Variants in COL24A1 observed in about 807,000 individuals in gnomAD.
COL24A1 encodes the protein collagen alpha-1(XXIV) chain.
Under a neutral mutation model 253.9 loss-of-function variants are expected in COL24A1, and 224 were observed. That is an observed-to-expected ratio of 0.88 (90% CI 0.79 to 0.99). COL24A1 has a LOEUF of 0.99. Ranked by LOEUF, COL24A1 falls within the 50% of genes least tolerant of loss-of-function variation. The pLI is 0.00. For synonymous variants in COL24A1, 685 were observed against 673.7 expected, an observed-to-expected ratio of 1.02 and a Z score of -0.26; for missense variants, 2,131 against 2,068.5, an observed-to-expected ratio of 1.03 and a Z score of -0.59.
intron 24 of COL24A1, among the ~76,000 whole-genome samples, chr1:85,959,762 T>C (rs748504293): frequency 6.6e-6 from 1 of 152,152 alleles, no homozygotes; most frequent in Non-Finnish European, 1.5e-5. Flanking sequence ...TCTTATACTA[T>C]GTGGAATTAG....
At chr1:85,849,326 C>A (rs761326930) in intron 38 of COL24A1, 27 bp downstream of exon 38, 4 of 1,602,326 alleles carry the variant, frequency 2.5e-6, no homozygotes, top group Non-Finnish European at 3.4e-6. Context: ...AGAAAGAAAA[C>A]CTGCATAAGA....
At chr1:85,892,884 A>T (rs1683270232) in intron 31 of COL24A1, among the ~76,000 whole-genome samples, 1 of 152,094 alleles carries the variant, frequency 6.6e-6, no homozygotes, top group Non-Finnish European at 1.5e-5. Context: ...AATCCAACAG[A>T]CAGATTAAAA....
intron 35 of COL24A1, among the ~76,000 whole-genome samples, chr1:85,869,809 C>T (rs1042659965): frequency 3.3e-5 from 5 of 152,138 alleles, no homozygotes; most frequent in Non-Finnish European, 1.5e-5. Flanking sequence ...AAACAACCAG[C>T]TAACATCATA....
intron 47 of COL24A1, among the ~76,000 whole-genome samples, chr1:85,800,968 A>C (rs1454728903): frequency 2.0e-5 from 3 of 152,228 alleles, no homozygotes; most frequent in South Asian, 4.1e-4. Context: ...CACAAAATGC[A>C]TCTACAACAT....
chr1:85,858,021 A>T (rs1027521551), intron 37 of COL24A1, among the ~76,000 whole-genome samples: 2 of 152,214 alleles, frequency 1.3e-5, no homozygotes, highest in Non-Finnish European at 2.9e-5. Context: ...CTCAACATCT[A>T]AACCAGGAGC....
At chr1:86,112,081 C>T (rs1375597360) in intron 5 of COL24A1, among the ~76,000 whole-genome samples, 1 of 152,168 alleles carries the variant, frequency 6.6e-6, no homozygotes, top group African/African-American at 2.4e-5. Flanking sequence ...ACTATGTACG[C>T]TCATATATAT....
intron 52 of COL24A1, among the ~76,000 whole-genome samples, chr1:85,778,757 G>A (rs1318002805): frequency 8.6e-5 from 13 of 151,508 alleles, no homozygotes; most frequent in Non-Finnish European, 1.9e-4. Flanking sequence ...GGCATGTACC[G>A]CCACACCCGG....
At chr1:85,765,341 A>G (rs1041355100) in intron 53 of COL24A1, among the ~76,000 whole-genome samples, 2 of 81,376 alleles carry the variant, frequency 2.5e-5, no homozygotes, top group Non-Finnish European at 5.8e-5. Flanking sequence ...TCATGCTGAG[A>G]TTGTTCTCTG....
intron 37 of COL24A1, among the ~76,000 whole-genome samples, chr1:85,852,565 G>T (rs1677889394): frequency 6.6e-6 from 1 of 152,176 alleles, no homozygotes; most frequent in Non-Finnish European, 1.5e-5. Context: ...TAATATAGGA[G>T]AAGATTGATA....
chr1:85,899,628 T>C (rs138285190), intron 28 of COL24A1, among the ~76,000 whole-genome samples: 23 of 152,296 alleles, frequency 1.5e-4, no homozygotes, highest in African/African-American at 4.8e-4. Flanking sequence ...CCTGGACACA[T>C]AGTTGTATAT....
intron 21 of COL24A1, among the ~76,000 whole-genome samples, chr1:85,970,711 C>A (rs1431982281): frequency 1.3e-5 from 2 of 152,002 alleles, no homozygotes; most frequent in Non-Finnish European, 2.9e-5. Flanking sequence ...ATATTTTGCT[C>A]AATTCACAAT....
chr1:85,814,074 T>C (rs1416277773), intron 47 of COL24A1, among the ~76,000 whole-genome samples: 1 of 152,194 alleles, frequency 6.6e-6, no homozygotes, highest in East Asian at 1.9e-4. Flanking sequence ...TTGAGCTTTT[T>C]AGCTGATTCT....
At chr1:86,022,411 C>A in intron 17 of COL24A1, 118 bp from the exon 18 acceptor site, 1 of 1,364,084 alleles carries the variant, frequency 7.3e-7, no homozygotes, top group South Asian at 1.2e-5. Context: ...ACAAAAGTTT[C>A]AAACAAGAAC....
At chr1:85,820,826 T>C (rs574327761) in intron 45 of COL24A1, among the ~76,000 whole-genome samples, 17 of 152,332 alleles carry the variant, frequency 1.1e-4, no homozygotes, top group African/African-American at 3.1e-4. Context: ...CTTCTGTTCA[T>C]TGGGACTGTG....
In COL24A1 at chr1:86,156,349, C is replaced by A. The variant is rs748487373; in HGVS notation, c.48G>T (p.Thr16=). 1.2e-6 allele frequency: 2 copies of A among 1,612,398 alleles called. No individual in the cohort carries two copies. Among genetic ancestry groups the A allele is most frequent in the Non-Finnish European group, 1.7e-6 (2 of 1,179,366 alleles). Residue 16 remains threonine, a synonymous_variant, in exon 1 of 60, where the codon ACG becomes ACT. Coordinates refer to ENST00000370571, the MANE Select transcript of COL24A1 (RefSeq NM_152890.7). ...GCGGGTGGGCTACTTACGTTTTTGC[C>A]GTGGGGGAGACTTTTCCACGCCTTG... ...HRTRRGKVSP[T]AKTKSLLHFI... is the part of the protein sequence containing the mutation.
intron 24 of COL24A1, among the ~76,000 whole-genome samples, chr1:85,924,134 T>C (rs1686893056): frequency 6.6e-6 from 1 of 152,132 alleles, no homozygotes; most frequent in Admixed American, 6.6e-5. Flanking sequence ...AAGTTGAATC[T>C]GTAAATAGGC....
chr1:85,940,353 G>A (rs1363547535), intron 24 of COL24A1, among the ~76,000 whole-genome samples: 1 of 14,212 alleles, frequency 7.0e-5, no homozygotes, highest in African/African-American at 1.8e-4. Flanking sequence ...GCAGTGAGCC[G>A]AGATCGCGCC....
intron 47 of COL24A1, among the ~76,000 whole-genome samples, chr1:85,806,645 A>G (rs767300925): frequency 1.3e-5 from 2 of 150,640 alleles, no homozygotes; most frequent in Non-Finnish European, 3.0e-5. Context: ...TTTTTAGCTC[A>G]TGGGCCATAC....
intron 2 of COL24A1, among the ~76,000 whole-genome samples, chr1:86,136,521 G>A (rs1507286): frequency 0.53 from 80,772 of 151,818 alleles, 22,037 homozygotes; most frequent in Non-Finnish European, 0.61. Flanking sequence ...TGGGAAGATA[G>A]TATCTCTTGG....
Sources: gnomAD v4.1 joint callset for allele counts (sites outside exome capture counted in the v4.1 genomes callset) on GRCh38, gnomAD v4.1.1 for gene constraint, MANE v1.5 for transcripts, NCBI Gene and HGNC (gene_info 2026-07-23, HGNC 2026-07-21) for gene names.